Variants in CNTN5 observed in about 807,000 individuals in gnomAD.
CNTN5 encodes the protein contactin 5, also known as contactin-5.
In CNTN5, 77 loss-of-function variants were observed where a neutral mutation model predicts 129.1. The observed-to-expected ratio is 0.60, with a 90% confidence interval of 0.50 to 0.72. CNTN5 has a LOEUF of 0.72. Among genes scored for constraint, CNTN5 ranks in the 30% least tolerant of loss-of-function variants. The pLI, the probability that CNTN5 is intolerant of heterozygous loss-of-function variation, is 0.00. For missense variants in CNTN5, 1,478 were observed against 1,328.8 expected (o/e 1.11, Z -1.75); for synonymous variants, 509 against 465.6 (o/e 1.09, Z -1.20).
At chr11:99,544,549 A>G (rs1042584266) in intron 2 of CNTN5, among the ~76,000 whole-genome samples, 9 of 152,234 alleles carry the variant, frequency 5.9e-5, no homozygotes, top group African/African-American at 2.2e-4. Flanking sequence ...ATTATTTTAA[A>G]TGCTTGTTTC....
chr11:100,308,217 A>T, intron 20 of CNTN5, 142 bp from the exon 21 acceptor site: 2 of 662,146 alleles, frequency 3.0e-6, no homozygotes, highest in Non-Finnish European at 4.9e-6. Flanking sequence ...GATCACCTTT[A>T]TATTTTGTTG....
chr11:99,974,317 T>A (rs1937786084), intron 8 of CNTN5, among the ~76,000 whole-genome samples: 1 of 152,056 alleles, frequency 6.6e-6, no homozygotes, highest in Non-Finnish European at 1.5e-5. Context: ...TAACATCAGT[T>A]AAGGGACAGG....
intron 9 of CNTN5, among the ~76,000 whole-genome samples, chr11:100,038,206 T>C (rs1942145701): frequency 6.6e-6 from 1 of 152,226 alleles, no homozygotes; most frequent in African/African-American, 2.4e-5. Flanking sequence ...TCTTTATTTC[T>C]GCCTTCATTT....
intron 3 of CNTN5, among the ~76,000 whole-genome samples, chr11:99,668,263 A>G (rs1952881251): frequency 6.6e-6 from 1 of 152,116 alleles, no homozygotes; most frequent in African/African-American, 2.4e-5. Flanking sequence ...GCTGTGCAAG[A>G]AGAATACATT....
intron 2 of CNTN5, among the ~76,000 whole-genome samples, chr11:99,340,835 A>G (rs1866478932): frequency 6.6e-6 from 1 of 152,248 alleles, no homozygotes. Context: ...ATAAATCTAC[A>G]TTAAACATAT....
In CNTN5 at chr11:99,874,864, A is replaced by G. The variant is rs140672404; in HGVS notation, c.577+29602A>G. On this transcript the variant is annotated intron_variant, in intron 6 of 24. Transcript: ENST00000524871. ...AAGCTCAATTTTTTTCCTTTTGGCC[A>G]TGGGAGTCCCTTCAAGTAGGCTCCT... Among the ~76,000 whole-genome samples the G allele has an allele frequency of 3.5e-3, 537 of 152,224 alleles. 6 individuals are homozygous for G. The highest frequency in any genetic ancestry group is 0.011 in the African/African-American group (474 of 41,528).
At chr11:99,309,385 T>G (rs1296057472) in intron 1 of CNTN5, among the ~76,000 whole-genome samples, 1 of 152,240 alleles carries the variant, frequency 6.6e-6, no homozygotes, top group African/African-American at 2.4e-5. Flanking sequence ...CCTGTATTAG[T>G]TTGGAAAGCA....
At chr11:99,102,096 G>A (rs1866762894) in intron 1 of CNTN5, among the ~76,000 whole-genome samples, 1 of 152,166 alleles carries the variant, frequency 6.6e-6, no homozygotes, top group Non-Finnish European at 1.5e-5. Flanking sequence ...CTTGGGGCTT[G>A]CACCCTCTGA....
intron 2 of CNTN5, among the ~76,000 whole-genome samples, chr11:99,420,028 T>C (rs1403760053): frequency 6.6e-6 from 1 of 152,114 alleles, no homozygotes; most frequent in East Asian, 1.9e-4. Context: ...AGAAGTGCTA[T>C]AGTCAAGGTA....
At chr11:99,875,042 C>A (rs533357077) in intron 6 of CNTN5, among the ~76,000 whole-genome samples, 1 of 152,142 alleles carries the variant, frequency 6.6e-6, no homozygotes, top group South Asian at 2.1e-4. Flanking sequence ...TGGAGGTGCT[C>A]ATTGCTGTAG....
intron 15 of CNTN5, among the ~76,000 whole-genome samples, chr11:100,219,580 T>G (rs1485095386): frequency 6.6e-6 from 1 of 152,202 alleles, no homozygotes; most frequent in Non-Finnish European, 1.5e-5. Flanking sequence ...TTTCTCCTCT[T>G]TAATCTATGT....
rs549365037 is a variant in CNTN5, at chr11:100,305,789, T to A, written c.2621-2570T>A. On this transcript the variant is annotated intron_variant, in intron 20 of 24. Transcript: ENST00000524871. ...TGGGAAAATCTGACAGAGGTCACTA[T>A]TTTTACATGCTGAAATGTCTAATTC... Among the ~76,000 whole-genome samples, 129 of 151,678 alleles carry A rather than the reference T, an allele frequency of 8.5e-4. 1 individual carries two copies. The highest frequency in any genetic ancestry group is 3.1e-3 in the African/African-American group (128 of 41,448).
At chr11:99,468,654 CTTT>C (rs36091167) in intron 2 of CNTN5, among the ~76,000 whole-genome samples, 1 of 145,256 alleles carries the variant, frequency 6.9e-6, no homozygotes, top group Non-Finnish European at 1.5e-5. Flanking sequence ...GAGTTTTCAC[CTTT>C]TTTTTTTTTG....
At chr11:99,073,943 A>G (rs1213641444) in intron 1 of CNTN5, among the ~76,000 whole-genome samples, 2 of 152,146 alleles carry the variant, frequency 1.3e-5, no homozygotes, top group East Asian at 3.9e-4. Context: ...TCCTTGAGGA[A>G]TCACCACACT....
chr11:99,961,368 T>A lies in CNTN5; in HGVS notation c.877+4359T>A, dbSNP rs72994814. Among the ~76,000 whole-genome samples the A allele has an allele frequency of 2.0e-5, 3 of 152,214 alleles. No homozygotes were observed. In the East Asian group the frequency reaches 5.8e-4, roughly 29 times the overall value. ...TCCTACAAAACTAAATCTATATTAT[T>A]AATGAGAATGCTGAAGGAGAGGAAG... On this transcript the variant is annotated intron_variant, in intron 8 of 24. Coordinates refer to ENST00000524871, the MANE Select transcript of CNTN5 (RefSeq NM_014361.4).
chr11:99,779,141 T>G (rs1009228091), intron 3 of CNTN5, among the ~76,000 whole-genome samples: 16 of 151,936 alleles, frequency 1.1e-4, no homozygotes, highest in African/African-American at 3.6e-4. Context: ...TATAAACATT[T>G]GCATATTTAG....
At chr11:99,172,994 G>C (rs57191271) in intron 1 of CNTN5, among the ~76,000 whole-genome samples, 1 of 152,156 alleles carries the variant, frequency 6.6e-6, no homozygotes, top group Non-Finnish European at 1.5e-5. Flanking sequence ...GCAAGGAGGC[G>C]CAAGTCACAT....
intron 8 of CNTN5, among the ~76,000 whole-genome samples, chr11:99,972,085 T>TAAAA (rs71050038): frequency 0.032 from 2,913 of 92,084 alleles, 118 homozygotes; most frequent in South Asian, 0.07. Context: ...TTATCTCTAT[T>TAAAA]AAAAAAAAAA....
chr11:99,617,737 G>A (rs1166341649), intron 3 of CNTN5, among the ~76,000 whole-genome samples: 2 of 151,968 alleles, frequency 1.3e-5, no homozygotes, highest in African/African-American at 4.8e-5. Context: ...CAAACCAAAA[G>A]GAAGTATGAA....
Sources: gnomAD v4.1 joint callset for allele counts (sites outside exome capture counted in the v4.1 genomes callset) on GRCh38, gnomAD v4.1.1 for gene constraint, MANE v1.5 for transcripts, NCBI Gene and HGNC (gene_info 2026-07-23, HGNC 2026-07-21) for gene names.